PLAC1: variants seen among roughly 807,000 people sequenced by gnomAD.
PLAC1 encodes placenta-specific protein 1.
For synonymous variants in PLAC1, 68 were observed against 62.1 expected, an observed-to-expected ratio of 1.09 and a Z score of -0.44; for missense variants, 136 against 163.2, an observed-to-expected ratio of 0.83 and a Z score of 0.91.
At chrX:134,721,254 G>A (rs1188113464) in intron 2 of PLAC1, among the ~76,000 whole-genome samples, 2 of 112,377 alleles carry the variant, frequency 1.8e-5, no homozygotes, top group Non-Finnish European at 3.8e-5. Flanking sequence ...GATACCTAGT[G>A]AAGACATCTA....
chrX:134,599,864 G>A (rs1236571309), intron 2 of PLAC1, among the ~76,000 whole-genome samples: 1 of 111,689 alleles, frequency 9.0e-6, no homozygotes, highest in Non-Finnish European at 1.9e-5. Context: ...GGAGGGATTT[G>A]TGGTATCTTA....
At chrX:134,649,314 C>T (rs1357605420) in intron 1 of PLAC1, among the ~76,000 whole-genome samples, 1 of 109,311 alleles carries the variant, frequency 9.1e-6, no homozygotes, top group Non-Finnish European at 1.9e-5. Context: ...AAACTCATCA[C>T]TTCCTAATTA....
At chrX:134,648,115 A>G (rs774134387) in intron 1 of PLAC1, among the ~76,000 whole-genome samples, 1 of 111,288 alleles carries the variant, frequency 9.0e-6, no homozygotes, top group South Asian at 3.8e-4. Context: ...CTTTTATTTG[A>G]AAGACCTTAT....
rs149258177 is a variant in PLAC1, at chrX:134,580,974, A to C, written c.-58-14234T>G. Among the ~76,000 whole-genome samples, 3 of 111,876 alleles carry C rather than the reference A, an allele frequency of 2.7e-5. No individual in the cohort carries two copies. In the East Asian group the frequency reaches 8.5e-4, roughly 32 times the overall value. On this transcript the variant is annotated intron_variant, in intron 2 of 2. Transcript: ENST00000359237. Reference sequence around the variant, plus strand: ...GAATGGCCTGTAGACTCACCCAATAAATCTTCCTGAATGGAAAAAGGGTAC... The same window carrying C: ...GAATGGCCTGTAGACTCACCCAATACATCTTCCTGAATGGAAAAAGGGTAC...
intron 1 of PLAC1, among the ~76,000 whole-genome samples, chrX:134,645,841 T>G: frequency 8.9e-6 from 1 of 111,764 alleles, no homozygotes; most frequent in East Asian, 2.8e-4. Flanking sequence ...GTAGAATTAT[T>G]ACATTTCCCA....
intron 2 of PLAC1, among the ~76,000 whole-genome samples, chrX:134,717,503 C>T (rs1292901073): frequency 4.5e-5 from 5 of 111,833 alleles, no homozygotes; most frequent in African/African-American, 9.7e-5. Context: ...TCAAGCGATC[C>T]GCCTGCCTCA....
At chrX:134,580,084 G>C (rs1010825409) in intron 2 of PLAC1, among the ~76,000 whole-genome samples, 3 of 112,236 alleles carry the variant, frequency 2.7e-5, no homozygotes, top group Non-Finnish European at 5.6e-5. Flanking sequence ...TGGGATTTTT[G>C]AAACTTGGAT....
chrX:134,589,078 G>A (rs2078021274), intron 2 of PLAC1, among the ~76,000 whole-genome samples: 1 of 111,581 alleles, frequency 9.0e-6, no homozygotes, highest in African/African-American at 3.3e-5. Context: ...TCCCACTGGT[G>A]GAATCTCTAT....
intron 1 of PLAC1, chrX:134,760,126 C>A (rs1457788806): frequency 8.9e-6 from 1 of 111,966 alleles, no homozygotes; most frequent in Non-Finnish European, 1.9e-5. Flanking sequence ...TTCACTTATA[C>A]CCCATCAATT....
chrX:134,616,385 C>G (rs1436207006), intron 1 of PLAC1, among the ~76,000 whole-genome samples: 1 of 111,897 alleles, frequency 8.9e-6, no homozygotes, highest in African/African-American at 3.2e-5. Context: ...GCCTGTAATC[C>G]CAGCACTTTG....
intron 2 of PLAC1, among the ~76,000 whole-genome samples, chrX:134,699,760 A>G (rs1391704208): frequency 1.8e-5 from 2 of 112,060 alleles, no homozygotes; most frequent in South Asian, 3.7e-4. Context: ...GTTATCTTTT[A>G]AAAAGTATAA....
chrX:134,759,551 T>C (rs2078765015), intron 1 of PLAC1, among the ~76,000 whole-genome samples: 1 of 111,466 alleles, frequency 9.0e-6, no homozygotes, highest in Non-Finnish European at 1.9e-5. Context: ...TGCCATTTGA[T>C]CTAACAATCC....
intron 1 of PLAC1, among the ~76,000 whole-genome samples, chrX:134,637,331 C>G (rs954111334): frequency 9.0e-6 from 1 of 111,469 alleles, no homozygotes; most frequent in Non-Finnish European, 1.9e-5. Context: ...ACCAGGCTTT[C>G]CCCCAACTGT....
At chrX:134,684,184 G>A (rs1490152090) in intron 2 of PLAC1, among the ~76,000 whole-genome samples, 2 of 110,876 alleles carry the variant, frequency 1.8e-5, no homozygotes, top group African/African-American at 6.6e-5. Context: ...AAATTCCAAA[G>A]GAAGGGAGCC....
Position 134,722,411 on chromosome X carries a change from T to A in PLAC1, n.174+11024A>T, listed in dbSNP as rs887253244. Among the ~76,000 whole-genome samples the A allele has an allele frequency of 2.7e-5, 3 of 111,971 alleles. No individual in the cohort carries two copies. In the Admixed American group the frequency reaches 2.9e-4, roughly 11 times the overall value. On this transcript the variant is annotated intron_variant and non_coding_transcript_variant, in intron 2 of 2. Coordinates refer to the PLAC1 transcript ENST00000466797. Reference sequence around the variant, plus strand: ...TAAACCTTGAAAACATTCAGCAAAGTGAAATAAGCCAGACACAAAAGGCCA... The same window carrying A: ...TAAACCTTGAAAACATTCAGCAAAGAGAAATAAGCCAGACACAAAAGGCCA...
At chrX:134,570,513 T>C (rs1017885721) in intron 2 of PLAC1, among the ~76,000 whole-genome samples, 6 of 111,276 alleles carry the variant, frequency 5.4e-5, no homozygotes, top group Non-Finnish European at 7.5e-5. Flanking sequence ...CTGTCCAGCT[T>C]CTTGGGGAGG....
intron 1 of PLAC1, among the ~76,000 whole-genome samples, chrX:134,634,359 G>A (rs1024115013): frequency 2.7e-5 from 3 of 111,934 alleles, no homozygotes; most frequent in Non-Finnish European, 3.8e-5. Context: ...TGGCTTTATT[G>A]AGATCTAAAT....
chrX:134,674,107 C>G (rs1280417053), intron 2 of PLAC1, among the ~76,000 whole-genome samples: 1 of 112,574 alleles, frequency 8.9e-6, no homozygotes, highest in Non-Finnish European at 1.9e-5. Flanking sequence ...GGCCCAACAG[C>G]CCACTTGGGA....
intron 2 of PLAC1, among the ~76,000 whole-genome samples, chrX:134,675,418 C>A (rs1395549273): frequency 8.9e-6 from 1 of 112,428 alleles, no homozygotes; most frequent in Non-Finnish European, 1.9e-5. Flanking sequence ...GTAATCCCAG[C>A]ATTTCGGGAG....
Sources: allele counts gnomAD v4.1 joint callset (sites outside exome capture counted in the v4.1 genomes callset), GRCh38; gene constraint gnomAD v4.1.1; transcripts MANE v1.5; gene names NCBI Gene and HGNC (gene_info 2026-07-23, HGNC 2026-07-21).